The following RELN variants were observed in gnomAD, a reference collection of about 807,000 sequenced individuals.
RELN encodes reelin.
RELN carries 108 observed loss-of-function variants against 427.6 expected under a neutral mutation model. The ratio of observed to expected loss-of-function variants is 0.25; its 90% CI spans 0.22 to 0.30. The LOEUF (loss-of-function observed/expected upper bound fraction) is 0.30, where lower values mean the gene tolerates loss of function less well. Ranked by LOEUF, RELN falls within the 10% of genes least tolerant of loss-of-function variation. The pLI, the probability that RELN is intolerant of heterozygous loss-of-function variation, is 1.00. For synonymous variants in RELN, 1,524 were observed against 1,513.4 expected (o/e 1.01, Z -0.16); for missense variants, 3,715 against 4,302.8 (o/e 0.86, Z 3.82).
In RELN at chr7:103,687,033, T is replaced by C. The variant is rs564907062; in HGVS notation, c.1144-4772A>G. Among the ~76,000 whole-genome samples, 275 of 151,990 alleles carry C rather than the reference T, an allele frequency of 1.8e-3. 1 individual carries two copies. Among genetic ancestry groups the C allele is most frequent in the African/African-American group, 6.0e-3 (249 of 41,466 alleles). On this transcript the variant is annotated intron_variant, in intron 10 of 64. Transcript: ENST00000428762. ...TGAATTTTATGGAGCTTAAGGAGTG[T>C]TTTTTTTCTCATTAATTTCTGGATT...
intron 11 of RELN, among the ~76,000 whole-genome samples, chr7:103,676,301 A>C (rs1487381840): frequency 6.6e-6 from 1 of 152,220 alleles, no homozygotes; most frequent in Non-Finnish European, 1.5e-5. Flanking sequence ...GCTCATCATC[A>C]CTGGCCATCA....
chr7:103,864,274 A>G, intron 2 of RELN, among the ~76,000 whole-genome samples: 1 of 152,130 alleles, frequency 6.6e-6, no homozygotes, highest in East Asian at 1.9e-4. Context: ...AAAGTTAATA[A>G]CTGTTTTTTT....
At chr7:103,641,731 G>A (rs1832698081) in intron 16 of RELN, among the ~76,000 whole-genome samples, 1 of 152,080 alleles carries the variant, frequency 6.6e-6, no homozygotes, top group African/African-American at 2.4e-5. Flanking sequence ...GCACCATACT[G>A]AGGTCAAGTA....
In RELN at chr7:103,762,177, A is replaced by T. The variant is rs915388054; in HGVS notation, c.545-8963T>A. On this transcript the variant is annotated intron_variant, in intron 4 of 64. Coordinates refer to ENST00000428762, the MANE Select transcript of RELN (RefSeq NM_005045.4). The stretch of plus-strand genomic sequence containing the variant: ...TGGGTGATGTCCTAAAGGAATGGGC[A>T]TGCTTCCTTGGCCCTTTCCCCTCCC... Among the ~76,000 whole-genome samples the T allele has an allele frequency of 2.6e-5, 4 of 152,140 alleles. No homozygotes were observed. The South Asian group carries it at 6.2e-4, about 24-fold the overall frequency.
chr7:103,883,585 T>C lies in RELN; in HGVS notation c.337+33490A>G, dbSNP rs189726174. Among the ~76,000 whole-genome samples the C allele has an allele frequency of 3.3e-5, 5 of 152,316 alleles. No homozygotes were observed. The East Asian group carries it at 7.7e-4, about 23-fold the overall frequency. On this transcript the variant is annotated intron_variant, in intron 2 of 64. Coordinates refer to ENST00000428762, the MANE Select transcript of RELN (RefSeq NM_005045.4). ...AAGCTGATAAGTAACTTCAGCAAAG[T>C]CTCAGCATACAAAATCAATGTGCAA...
chr7:103,800,602 T>A (rs894056896), intron 3 of RELN, among the ~76,000 whole-genome samples: 2 of 152,124 alleles, frequency 1.3e-5, no homozygotes, highest in African/African-American at 4.8e-5. Flanking sequence ...AAGACTTAAA[T>A]GTAAGACCTA....
chr7:103,653,108 C>A (rs1337244527), intron 13 of RELN, among the ~76,000 whole-genome samples: 1 of 152,030 alleles, frequency 6.6e-6, no homozygotes, highest in East Asian at 1.9e-4. Flanking sequence ...GACATTTATA[C>A]TTTATCATCA....
At chr7:103,657,733 T>C (rs2117403631) in intron 12 of RELN, among the ~76,000 whole-genome samples, 1 of 152,228 alleles carries the variant, frequency 6.6e-6, no homozygotes, top group Non-Finnish European at 1.5e-5. Flanking sequence ...GAGCAATTTA[T>C]AGTTCTGTGA....
In RELN at chr7:103,478,384, C is replaced by G. The variant is rs1381857075; in HGVS notation, c.10286+5G>C. ...AGTTCCCCAGATTTAGTAAGGAGGACTTACCTTACTCTAGTGGAAAACCAA... is the reference window on the plus strand; with the variant it reads ...AGTTCCCCAGATTTAGTAAGGAGGAGTTACCTTACTCTAGTGGAAAACCAA... On this transcript the variant is annotated splice_donor_5th_base_variant and intron_variant, in intron 64 of 64. Transcript: ENST00000428762. 1.3e-6 allele frequency: 1 copy of G among 757,960 alleles called. No homozygotes were observed. The highest frequency in any genetic ancestry group is 1.7e-5 in the African/African-American group (1 of 58,912). The allele number at this position is 757,960 out of a possible 1,614,324, so 47.0% of individuals were successfully genotyped here. A position where few individuals can be genotyped will look rare whatever the true frequency, so the allele number is the denominator to read the frequency against.
At chr7:103,897,249 G>C (rs915670383) in intron 2 of RELN, among the ~76,000 whole-genome samples, 1 of 152,070 alleles carries the variant, frequency 6.6e-6, no homozygotes, top group African/African-American at 2.4e-5. Context: ...CAGTTCATTA[G>C]CTGAGTGTCA....
chr7:103,855,727 T>A (rs1165654523), intron 2 of RELN, among the ~76,000 whole-genome samples: 11 of 152,110 alleles, frequency 7.2e-5, no homozygotes, highest in Non-Finnish European at 1.3e-4. Context: ...TGAGAGAGGA[T>A]CTGTCCTGAG....
intron 3 of RELN, among the ~76,000 whole-genome samples, chr7:103,792,245 C>T (rs1245818926): frequency 6.6e-6 from 1 of 151,972 alleles, no homozygotes; most frequent in Non-Finnish European, 1.5e-5. Flanking sequence ...AACACATGTT[C>T]ACAGAGAAAA....
chr7:103,734,780 A>C (rs1327899059), intron 6 of RELN, among the ~76,000 whole-genome samples: 2 of 152,190 alleles, frequency 1.3e-5, no homozygotes, highest in African/African-American at 4.8e-5. Flanking sequence ...CCAATTCTAT[A>C]AAAACAATGT....
intron 3 of RELN, among the ~76,000 whole-genome samples, chr7:103,786,242 TA>T (rs1262835071): frequency 6.6e-6 from 1 of 151,984 alleles, no homozygotes; most frequent in East Asian, 1.9e-4. Flanking sequence ...TAAGGAGAGA[TA>T]ATCACTATTC....
intron 1 of RELN, among the ~76,000 whole-genome samples, chr7:103,950,356 T>G (rs1042432237): frequency 6.6e-6 from 1 of 152,142 alleles, no homozygotes; most frequent in Non-Finnish European, 1.5e-5. Context: ...ACATTATAAT[T>G]TAATGAGATT....
chr7:103,571,622 A>G (rs1830883458), intron 31 of RELN, among the ~76,000 whole-genome samples: 1 of 152,204 alleles, frequency 6.6e-6, no homozygotes, highest in South Asian at 2.1e-4. Context: ...AGAACTAATT[A>G]TATTACTTAT....
At chr7:103,970,645 G>C (rs1485294554) in intron 1 of RELN, among the ~76,000 whole-genome samples, 1 of 152,076 alleles carries the variant, frequency 6.6e-6, no homozygotes, top group African/African-American at 2.4e-5. Context: ...TTGGTCATGA[G>C]TTCAACGTTA....
chr7:103,672,519 C>T (rs1041506513), intron 11 of RELN, among the ~76,000 whole-genome samples: 1 of 152,140 alleles, frequency 6.6e-6, no homozygotes, highest in East Asian at 1.9e-4. Context: ...AATATTAGCA[C>T]CTAGGTCAAA....
chr7:103,813,510 G>A (rs529039404), intron 3 of RELN, among the ~76,000 whole-genome samples: 12 of 150,334 alleles, frequency 8.0e-5, no homozygotes, highest in Non-Finnish European at 1.8e-4. Flanking sequence ...GATTACTTTT[G>A]TCTTATACTT....
Sources: allele counts gnomAD v4.1 joint callset (sites outside exome capture counted in the v4.1 genomes callset), GRCh38; gene constraint gnomAD v4.1.1; transcripts MANE v1.5; gene names NCBI Gene and HGNC (gene_info 2026-07-23, HGNC 2026-07-21).